ADGRL2: variants seen among roughly 807,000 people sequenced by gnomAD.
The protein encoded by ADGRL2 is calcium-independent alpha-latrotoxin receptor 2.
In ADGRL2, 44 loss-of-function variants were observed where a neutral mutation model predicts 157.4. The observed-to-expected ratio is 0.28, with a 90% confidence interval of 0.22 to 0.36. ADGRL2 has a LOEUF of 0.36. Ranked by LOEUF, ADGRL2 falls within the 10% of genes least tolerant of loss-of-function variation. The pLI, the probability that ADGRL2 is intolerant of heterozygous loss-of-function variation, is 1.00. For synonymous variants in ADGRL2, 585 were observed against 624.7 expected, an observed-to-expected ratio of 0.94 and a Z score of 0.95; for missense variants, 1,510 against 1,768.9, an observed-to-expected ratio of 0.85 and a Z score of 2.63.
intron 4 of ADGRL2, among the ~76,000 whole-genome samples, chr1:81,937,182 G>T (rs1276644863): frequency 6.6e-6 from 1 of 151,884 alleles, no homozygotes; most frequent in East Asian, 1.9e-4. Flanking sequence ...TCTAAAGAAG[G>T]AATTGACTTC....
At chr1:81,603,919 A>C (rs17106804) in intron 3 of ADGRL2, among the ~76,000 whole-genome samples, 6,281 of 151,916 alleles carry the variant, frequency 0.041, 428 homozygotes, top group African/African-American at 0.14. Context: ...AATGTGTTTT[A>C]ACTAGTCAAT....
At chr1:81,485,364 G>A (rs568000108) in intron 2 of ADGRL2, among the ~76,000 whole-genome samples, 2 of 152,042 alleles carry the variant, frequency 1.3e-5, no homozygotes, top group Non-Finnish European at 2.9e-5. Context: ...TCTCCATGTT[G>A]CCCCTGTTTT....
At chr1:81,377,330 G>A (rs1570769633) in intron 1 of ADGRL2, among the ~76,000 whole-genome samples, 1 of 151,998 alleles carries the variant, frequency 6.6e-6, no homozygotes, top group East Asian at 1.9e-4. Flanking sequence ...TGCAAGTAAA[G>A]TATTCAATAT....
At chr1:81,371,303 C>T (rs535603988) in intron 1 of ADGRL2, among the ~76,000 whole-genome samples, 1 of 151,946 alleles carries the variant, frequency 6.6e-6, no homozygotes, top group Non-Finnish European at 1.5e-5. Context: ...TTTTAAATAC[C>T]AAGTAAGGTT....
At chr1:81,876,776 T>C (rs528686365) in intron 2 of ADGRL2, among the ~76,000 whole-genome samples, 1 of 152,160 alleles carries the variant, frequency 6.6e-6, no homozygotes, top group Admixed American at 6.5e-5. Context: ...ATCCTCAGAC[T>C]AGAGAAAAAT....
intron 2 of ADGRL2, among the ~76,000 whole-genome samples, chr1:81,839,552 C>A (rs1368895429): frequency 1.3e-5 from 2 of 151,648 alleles, no homozygotes; most frequent in African/African-American, 4.8e-5. Flanking sequence ...CCCCCCAAGT[C>A]CCCAGAATCC....
chr1:81,697,634 G>A (rs1478088149), upstream of ADGRL2, among the ~76,000 whole-genome samples: 1 of 152,150 alleles, frequency 6.6e-6, no homozygotes, highest in South Asian at 2.1e-4. Context: ...TGGTAACCAA[G>A]ACATTGGATA....
At chr1:81,422,437 G>T (rs1463522477) in intron 1 of ADGRL2, among the ~76,000 whole-genome samples, 5 of 152,106 alleles carry the variant, frequency 3.3e-5, no homozygotes, top group Non-Finnish European at 7.4e-5. Context: ...TGGAGACGGG[G>T]TTTCACCATG....
intron 1 of ADGRL2, among the ~76,000 whole-genome samples, chr1:81,822,670 A>G (rs2149889161): frequency 6.6e-6 from 1 of 152,148 alleles, no homozygotes; most frequent in South Asian, 2.1e-4. Flanking sequence ...GCGCCACCAC[A>G]CTTTGTAACA....
At chr1:81,625,205 C>T (rs1221489164) in intron 3 of ADGRL2, among the ~76,000 whole-genome samples, 1 of 152,040 alleles carries the variant, frequency 6.6e-6, no homozygotes, top group Non-Finnish European at 1.5e-5. Context: ...AGGAGAAAAC[C>T]TAATGAAAAT....
chr1:81,730,594 A>G (rs1225899243), intron 1 of ADGRL2, among the ~76,000 whole-genome samples: 1 of 152,008 alleles, frequency 6.6e-6, no homozygotes, highest in African/African-American at 2.4e-5. Flanking sequence ...GTGGTGGTAC[A>G]TGCTTATAAT....
At chr1:81,502,845 C>A (rs1478546987) in intron 2 of ADGRL2, 1 of 1,612,626 alleles carries the variant, frequency 6.2e-7, no homozygotes, top group Non-Finnish European at 8.5e-7. Flanking sequence ...AGGCCCCTGC[C>A]CTCCTCTCCC....
chr1:81,379,051 C>A (rs915784746), intron 1 of ADGRL2, among the ~76,000 whole-genome samples: 4 of 152,130 alleles, frequency 2.6e-5, no homozygotes, highest in Non-Finnish European at 5.9e-5. Context: ...ATCATGTTTG[C>A]CAGATTTCTT....
rs183488470 is a variant in ADGRL2 at position 81,369,062 on chromosome 1, T to A, written c.-302+62553T>A. Among the ~76,000 whole-genome samples the A allele has an allele frequency of 2.0e-3, 303 of 152,230 alleles. 4 individuals carry two copies. In the East Asian group the frequency reaches 0.029, roughly 14 times the overall value. On this transcript the variant is annotated intron_variant, in intron 1 of 24. Transcript: ENST00000370721. ...AGTGACAAGTGGTTGACCTTCTGAA[T>A]ATTCACTTTTGAATAAAGTGAAAAG...
At chr1:81,515,459 A>AAAAAT (rs772574945) in intron 2 of ADGRL2, among the ~76,000 whole-genome samples, 13 of 151,480 alleles carry the variant, frequency 8.6e-5, no homozygotes, top group Middle Eastern at 3.4e-3. Context: ...AAAAAAAAAA[A>AAAAAT]AGTCTTCTGT....
At chr1:81,555,638 G>A (rs2080257197) in intron 2 of ADGRL2, among the ~76,000 whole-genome samples, 1 of 152,052 alleles carries the variant, frequency 6.6e-6, no homozygotes, top group South Asian at 2.1e-4. Context: ...TAACAAGAAA[G>A]CAAAATATCC....
chr1:81,951,177 CAT>C lies in ADGRL2; in HGVS notation c.1608+58_1608+59del. The C allele has an allele frequency of 4.2e-6, 5 of 1,177,436 alleles. No homozygotes were observed. In the South Asian group the frequency reaches 6.2e-5, roughly 15 times the overall value. 72.9% of individuals were successfully genotyped at this position (1,177,436 alleles called of 1,614,324 possible). A position where few individuals can be genotyped will look rare whatever the true frequency, so the allele number is the denominator to read the frequency against. The stretch of plus-strand genomic sequence containing the variant: ...GGTGATTTAGGGCATTAACTTCTAA[CAT>C]AAATAATTTAGCTTTGTGTGTTAAA... On this transcript the variant is annotated intron_variant, in intron 8 of 23. Transcript: ENST00000686636.
chr1:81,308,285 A>T (rs1296253487), intron 1 of ADGRL2, among the ~76,000 whole-genome samples: 1 of 152,154 alleles, frequency 6.6e-6, no homozygotes, highest in Non-Finnish European at 1.5e-5. Context: ...TTCTTCACAG[A>T]CACTGTCGCT....
chr1:81,592,913 A>G (rs1309836592), intron 3 of ADGRL2, among the ~76,000 whole-genome samples: 1 of 152,146 alleles, frequency 6.6e-6, no homozygotes, highest in African/African-American at 2.4e-5. Flanking sequence ...TTCCCTTCTC[A>G]GGGAAGGGAA....
Sources: allele counts gnomAD v4.1 joint callset (sites outside exome capture counted in the v4.1 genomes callset), GRCh38; gene constraint gnomAD v4.1.1; transcripts MANE v1.5; gene names NCBI Gene and HGNC (gene_info 2026-07-23, HGNC 2026-07-21).